PDE4B: variants seen among roughly 807,000 people sequenced by gnomAD.
PDE4B encodes the protein phosphodiesterase 4B, also known as 3',5'-cyclic-AMP phosphodiesterase 4B.
Under a neutral mutation model 82.2 loss-of-function variants are expected in PDE4B, and 20 were observed. The observed-to-expected ratio is 0.24, with a 90% CI of 0.17 to 0.35. The LOEUF is 0.35. Ranked by LOEUF, PDE4B falls within the 10% of genes least tolerant of loss-of-function variation. The pLI is 1.00. For missense variants in PDE4B, 655 were observed against 907.2 expected (o/e 0.72, Z 3.57); for synonymous variants, 320 against 318.9 (o/e 1.00, Z -0.04).
intron 7 of PDE4B, chr1:66,330,964 C>T (rs1276921675): frequency 1.2e-5 from 2 of 163,292 alleles, no homozygotes; most frequent in Non-Finnish European, 1.3e-5. Flanking sequence ...GCTTTTTAAG[C>T]ATGACATACA....
chr1:65,981,214 A>G (rs1650669127), intron 3 of PDE4B, among the ~76,000 whole-genome samples: 1 of 152,196 alleles, frequency 6.6e-6, no homozygotes, highest in Non-Finnish European at 1.5e-5. Flanking sequence ...TTTTAACACA[A>G]GAGACAAATA....
chr1:66,195,276 C>T (rs891073645), intron 3 of PDE4B, among the ~76,000 whole-genome samples: 3 of 152,114 alleles, frequency 2.0e-5, no homozygotes, highest in Admixed American at 6.6e-5. Flanking sequence ...CCAGAGCTTC[C>T]ATGACCTTGT....
At chr1:65,932,217 C>G (rs773368725) in intron 3 of PDE4B, among the ~76,000 whole-genome samples, 4 of 151,560 alleles carry the variant, frequency 2.6e-5, no homozygotes, top group Non-Finnish European at 5.9e-5. Context: ...TGCAGTCCCA[C>G]CCACAAGCTC....
At chr1:65,793,594 C>G (rs1162169586) in intron 1 of PDE4B, among the ~76,000 whole-genome samples, 2 of 152,036 alleles carry the variant, frequency 1.3e-5, no homozygotes, top group Non-Finnish European at 2.9e-5. Flanking sequence ...GACGGATGGG[C>G]GCGCGGTGCC....
intron 3 of PDE4B, among the ~76,000 whole-genome samples, chr1:65,933,143 T>A (rs1647930079): frequency 6.6e-6 from 1 of 151,968 alleles, no homozygotes; most frequent in Non-Finnish European, 1.5e-5. Context: ...AAACCTACAC[T>A]GAGATACATT....
rs186162391 is a variant in PDE4B at position 66,164,709 on chromosome 1, C to T, written c.282-82751C>T. The stretch of plus-strand genomic sequence containing the variant: ...TATTCTGTATGAGTTACTTTGAGCA[C>T]GCTCTGTCTCTCAGACTTAATTTCT... On this transcript the variant is annotated intron_variant, in intron 3 of 16. Coordinates refer to ENST00000341517, the MANE Select transcript of PDE4B (RefSeq NM_002600.4). Among the ~76,000 whole-genome samples the T allele has an allele frequency of 1.0e-3, 153 of 150,732 alleles. 1 individual carries two copies. The highest frequency in any genetic ancestry group is 3.3e-3 in the African/African-American group (138 of 41,278).
At chr1:65,897,551 G>T (rs1385573128) in intron 1 of PDE4B, among the ~76,000 whole-genome samples, 1 of 151,868 alleles carries the variant, frequency 6.6e-6, no homozygotes, top group Non-Finnish European at 1.5e-5. Flanking sequence ...TTTTCCCAAT[G>T]CTTAGCTCCC....
chr1:65,989,284 T>A (rs1017177662), intron 3 of PDE4B, among the ~76,000 whole-genome samples: 2 of 152,106 alleles, frequency 1.3e-5, no homozygotes, highest in African/African-American at 4.8e-5. Flanking sequence ...GCAGATTACA[T>A]GAGGCCAGGA....
At chr1:66,240,652 G>T (rs1652820552) in intron 3 of PDE4B, among the ~76,000 whole-genome samples, 1 of 152,138 alleles carries the variant, frequency 6.6e-6, no homozygotes, top group South Asian at 2.1e-4. Flanking sequence ...TTCCCTCAGG[G>T]ACCTTGTTCC....
intron 8 of PDE4B, among the ~76,000 whole-genome samples, chr1:66,347,872 C>T (rs1321597982): frequency 6.6e-6 from 1 of 152,084 alleles, no homozygotes; most frequent in Non-Finnish European, 1.5e-5. Flanking sequence ...GTACTATAGA[C>T]TGAAAATGGA....
intron 2 of PDE4B, among the ~76,000 whole-genome samples, chr1:65,914,199 C>G (rs754959749): frequency 1.3e-5 from 2 of 152,188 alleles, no homozygotes; most frequent in African/African-American, 2.4e-5. Flanking sequence ...TTGTTAAGCT[C>G]CTGTTTCACA....
At chr1:66,161,814 C>T (rs1247070271) in intron 3 of PDE4B, among the ~76,000 whole-genome samples, 1 of 152,146 alleles carries the variant, frequency 6.6e-6, no homozygotes, top group Admixed American at 6.6e-5. Context: ...ATACTCTACT[C>T]TGACTTCAGA....
intron 1 of PDE4B, among the ~76,000 whole-genome samples, chr1:65,901,692 G>GT (rs1016025685): frequency 6.6e-6 from 1 of 151,968 alleles, no homozygotes; most frequent in Non-Finnish European, 1.5e-5. Context: ...GAGGTTGTGT[G>GT]TTTCTTTGTT....
At chr1:65,869,258 T>C (rs1041007320) in intron 1 of PDE4B, among the ~76,000 whole-genome samples, 3 of 152,244 alleles carry the variant, frequency 2.0e-5, no homozygotes, top group East Asian at 1.9e-4. Flanking sequence ...TTATCCATTC[T>C]GTGTCCTTGT....
At chr1:66,176,665 T>G (rs1261821186) in intron 3 of PDE4B, among the ~76,000 whole-genome samples, 2 of 152,246 alleles carry the variant, frequency 1.3e-5, no homozygotes, top group African/African-American at 4.8e-5. Context: ...CCATGCCTGC[T>G]GAATCAGCTT....
chr1:65,920,765 G>A (rs1401117093), intron 3 of PDE4B, among the ~76,000 whole-genome samples: 1 of 151,700 alleles, frequency 6.6e-6, no homozygotes, highest in Non-Finnish European at 1.5e-5. Context: ...CCTCATTCTT[G>A]GCGTCAGTAT....
intron 3 of PDE4B, among the ~76,000 whole-genome samples, chr1:66,037,643 C>A (rs1018648547): frequency 2.0e-5 from 3 of 151,912 alleles, no homozygotes; most frequent in Non-Finnish European, 4.4e-5. Context: ...GCTAGTACTT[C>A]GAGTGCTATG....
intron 1 of PDE4B, among the ~76,000 whole-genome samples, chr1:65,804,216 G>C (rs1461175056): frequency 1.3e-5 from 2 of 152,184 alleles, no homozygotes; most frequent in Non-Finnish European, 2.9e-5. Flanking sequence ...AAATTGTCAT[G>C]TGAAAAGTGA....
chr1:66,213,167 A>G (rs1452818909), intron 3 of PDE4B, among the ~76,000 whole-genome samples: 2 of 152,202 alleles, frequency 1.3e-5, no homozygotes, highest in African/African-American at 4.8e-5. Context: ...TTTCTAAGGA[A>G]GCTGTAGGAA....
Sources: allele counts gnomAD v4.1 joint callset (sites outside exome capture counted in the v4.1 genomes callset), GRCh38; gene constraint gnomAD v4.1.1; transcripts MANE v1.5; gene names NCBI Gene and HGNC (gene_info 2026-07-23, HGNC 2026-07-21).